Variants in MORN1 observed in about 807,000 individuals in gnomAD.
MORN1 encodes MORN repeat-containing protein 1.
MORN1 carries 67 observed loss-of-function variants against 61.9 expected under a neutral mutation model. That is an observed-to-expected ratio of 1.08 (90% CI 0.89 to 1.33). The LOEUF (loss-of-function observed/expected upper bound fraction) is 1.33, where lower values mean the gene tolerates loss of function less well. MORN1 is among the 40% of genes most tolerant of loss of function. The pLI, the probability that MORN1 is intolerant of heterozygous loss-of-function variation, is 0.00. For missense variants in MORN1, 752 were observed against 691.2 expected (o/e 1.09, Z -0.99); for synonymous variants, 301 against 292.0 (o/e 1.03, Z -0.31).
intron 12 of MORN1, among the ~76,000 whole-genome samples, chr1:2,325,268 CCTCT>C (rs1467364420): frequency 9.0e-6 from 1 of 111,554 alleles, no homozygotes; most frequent in Non-Finnish European, 1.7e-5. Context: ...TCTCTCTCTG[CCTCT>C]CTTTCTCTCT....
chr1:2,390,088 G>C lies in MORN1; in HGVS notation c.77-92C>G, dbSNP rs562052437. 5.5e-4 allele frequency: 650 copies of C among 1,185,662 alleles called. 2 individuals carry two copies. Among genetic ancestry groups the C allele is most frequent in the South Asian group, 9.2e-4 (75 of 81,614 alleles). The allele number at this position is 1,185,662 out of a possible 1,614,324, so 73.4% of individuals were successfully genotyped here. On this transcript the variant is annotated intron_variant, in intron 1 of 13. Transcript: ENST00000378531. ...AAGGAGGGAGTGCAGCTCCCTTGAG[G>C]GCCTTCAAGGGGTTGGTACACGTCA...
chr1:2,383,756 G>A (rs1195242673), intron 6 of MORN1, among the ~76,000 whole-genome samples: 6 of 152,184 alleles, frequency 3.9e-5, no homozygotes, highest in Non-Finnish European at 7.3e-5. Context: ...GGTCATCTTC[G>A]TGGCTGCGAC....
At chr1:2,382,296 TG>T (rs1642389938) in intron 6 of MORN1, among the ~76,000 whole-genome samples, 1 of 152,136 alleles carries the variant, frequency 6.6e-6, no homozygotes, top group African/African-American at 2.4e-5. Context: ...GGTGAGTGGC[TG>T]GGGGCCCCCA....
chr1:2,321,754 G>A (rs573963493), intron 13 of MORN1, among the ~76,000 whole-genome samples, 175 bp from the exon 14 acceptor site: 2 of 152,258 alleles, frequency 1.3e-5, no homozygotes, highest in East Asian at 1.9e-4. Flanking sequence ...CCACCGGACC[G>A]GTCCTGGGGG....
At chr1:2,346,102 C>A (rs947197162) in intron 10 of MORN1, among the ~76,000 whole-genome samples, 1 of 150,384 alleles carries the variant, frequency 6.6e-6, no homozygotes. Flanking sequence ...CCACCAGGAA[C>A]CTTCCTCAGA....
chr1:2,388,035 A>G (rs1642547133), intron 3 of MORN1: 1 of 531,846 alleles, frequency 1.9e-6, no homozygotes, highest in African/African-American at 1.9e-5. Flanking sequence ...TTATTCTAGA[A>G]AAGTGTCTCC....
At chr1:2,388,168 G>T in intron 3 of MORN1, 71 bp downstream of exon 3, 1 of 1,216,208 alleles carries the variant, frequency 8.2e-7, no homozygotes, top group Non-Finnish European at 1.2e-6. Context: ...TCTGCATCTA[G>T]ACTCGGCGGA....
intron 6 of MORN1, among the ~76,000 whole-genome samples, chr1:2,382,813 C>T (rs894564915): frequency 6.6e-5 from 10 of 152,188 alleles, no homozygotes; most frequent in Admixed American, 6.5e-4. Flanking sequence ...CATGGGCTCC[C>T]GTGGTCCAGC....
chr1:2,347,466 C>T (rs1641541677), intron 10 of MORN1, among the ~76,000 whole-genome samples: 1 of 152,248 alleles, frequency 6.6e-6, no homozygotes, highest in South Asian at 2.1e-4. Context: ...CCAGGGGACA[C>T]CAGGGAGGAG....
intron 8 of MORN1, among the ~76,000 whole-genome samples, chr1:2,364,964 C>G (rs1461024946): frequency 6.6e-6 from 1 of 152,130 alleles, no homozygotes; most frequent in Middle Eastern, 3.2e-3. Context: ...GTTACTGTAG[C>G]CTTGTAGTAT....
chr1:2,381,651 ACT>A (rs1347833896), intron 6 of MORN1, among the ~76,000 whole-genome samples: 10 of 152,080 alleles, frequency 6.6e-5, no homozygotes, highest in Middle Eastern at 3.4e-3. Flanking sequence ...TGGCACCAAG[ACT>A]CTCGCAGAAA....
intron 13 of MORN1, 117 bp from the exon 14 acceptor site, chr1:2,321,696 A>G (rs2100210630): frequency 3.1e-6 from 4 of 1,308,112 alleles, no homozygotes; most frequent in Non-Finnish European, 4.0e-6. Flanking sequence ...GACCCTGGTC[A>G]TCTCTGCCTG....
chr1:2,379,258 G>A (rs191319779), intron 6 of MORN1: 2 of 418,062 alleles, frequency 4.8e-6, no homozygotes, highest in East Asian at 7.2e-5. Flanking sequence ...GGCATGATCC[G>A]AGGTGGGCAG....
intron 11 of MORN1, 69 bp from the exon 12 acceptor site, chr1:2,336,617 ACCCCCCT>A (rs1641285297): frequency 6.3e-7 from 1 of 1,594,974 alleles, no homozygotes; most frequent in African/African-American, 1.3e-5. Context: ...CTCTGCTCCA[ACCCCCCT>A]GGGGCACACA....
intron 6 of MORN1, among the ~76,000 whole-genome samples, chr1:2,380,365 C>T (rs907747880): frequency 3.9e-5 from 6 of 152,302 alleles, no homozygotes; most frequent in South Asian, 2.1e-4. Flanking sequence ...CACGGCCCAG[C>T]GCAGCGGCTC....
At chr1:2,325,014 C>T (rs1043748096) in intron 12 of MORN1, among the ~76,000 whole-genome samples, 8 of 151,554 alleles carry the variant, frequency 5.3e-5, no homozygotes, top group Non-Finnish European at 8.8e-5. Context: ...GCTGCAAGGA[C>T]GAGGGGCTGG....
intron 13 of MORN1, chr1:2,322,212 T>G (rs1175607805): frequency 1.0e-6 from 1 of 985,042 alleles, no homozygotes; most frequent in East Asian, 1.1e-4. Flanking sequence ...GGAGAAACCA[T>G]AAAAAAGAAA....
intron 3 of MORN1, chr1:2,387,776 G>T: frequency 1.9e-6 from 1 of 529,612 alleles, no homozygotes; most frequent in Non-Finnish European, 3.4e-6. Flanking sequence ...CGAGGGCAAA[G>T]GACCCTCTGG....
chr1:2,390,146 C>T (rs1412821271), intron 1 of MORN1, 150 bp from the exon 2 acceptor site: 2 of 713,722 alleles, frequency 2.8e-6, no homozygotes, highest in Non-Finnish European at 4.8e-6. Flanking sequence ...CTGTGGGGCT[C>T]ATGAGCTCTC....
Sources: gnomAD v4.1 joint callset for allele counts (sites outside exome capture counted in the v4.1 genomes callset) on GRCh38, gnomAD v4.1.1 for gene constraint, MANE v1.5 for transcripts, NCBI Gene and HGNC (gene_info 2026-07-23, HGNC 2026-07-21) for gene names.